HSPG2: variants seen among roughly 807,000 people sequenced by gnomAD.
HSPG2 encodes basement membrane-specific heparan sulfate proteoglycan core protein.
A neutral mutation model predicts 526.6 loss-of-function variants in HSPG2; 278 were observed. The ratio of observed to expected loss-of-function variants is 0.53; its 90% CI spans 0.48 to 0.58. HSPG2 has a LOEUF of 0.58. Ranked by LOEUF, HSPG2 falls within the 20% of genes least tolerant of loss-of-function variation. The probability of loss-of-function intolerance (pLI) is 0.00; values close to 1 mark genes in which losing one functional copy is unlikely to be tolerated. For synonymous variants in HSPG2, 2,465 were observed against 2,555.4 expected, an observed-to-expected ratio of 0.96 and a Z score of 1.07; for missense variants, 5,354 against 6,099.5, an observed-to-expected ratio of 0.88 and a Z score of 4.07.
chr1:21,841,786 T>C (rs2152705834), intron 69 of HSPG2, 113 bp from the exon 70 acceptor site: 1 of 1,420,716 alleles, frequency 7.0e-7, no homozygotes, highest in Non-Finnish European at 9.8e-7. Context: ...GGCCTGGGTG[T>C]GTCTAGCTCA....
At chr1:21,874,356 G>T (rs746310222) in intron 28 of HSPG2, 50 bp downstream of exon 28, 2 of 1,607,918 alleles carry the variant, frequency 1.2e-6, no homozygotes. Context: ...TGTGGGAGCG[G>T]GTGGTAGACA....
At chr1:21,873,851 C>G (rs754285715) in intron 29 of HSPG2, 74 bp downstream of exon 29, 2 of 1,311,946 alleles carry the variant, frequency 1.5e-6, no homozygotes, top group African/African-American at 2.9e-5. Flanking sequence ...GGGTTGGGAG[C>G]GCTGGGCCCT....
In HSPG2 at chr1:21,852,178, C is replaced by A; in HGVS notation, c.6780G>T (p.Gln2260His). 1 of 1,614,068 alleles carries A rather than the reference C, an allele frequency of 6.2e-7. No individual in the cohort carries two copies. Among genetic ancestry groups the A allele is most frequent in the Non-Finnish European group, 8.5e-7 (1 of 1,180,040 alleles). Reference protein sequence around the residue: ...ESSSSTVAEGQTLDLSCVVAG... With the variant: ...ESSSSTVAEGHTLDLSCVVAG... The stretch of plus-strand genomic sequence containing the variant: ...CCACCACGCAGCTCAGATCCAGGGT[C>A]TGGCCCTCGGCCACTGTGGAGGATG... The change falls in exon 53 of 97, where the codon CAG (glutamine) becomes CAT (histidine). Residue 2260 changes from glutamine (Q) to histidine (H), a missense_variant. Physicochemically the swap from Gln to His is conservative, Grantham distance 24. Transcript: ENST00000374695.
rs540803897 is a variant in HSPG2 at position 21,848,155 on chromosome 1, G to A, written c.7738-62C>T. On this transcript the variant is annotated intron_variant, in intron 59 of 96. Coordinates refer to ENST00000374695, the MANE Select transcript of HSPG2 (RefSeq NM_005529.7). The surrounding 1 kb of genome is among the most constrained non-coding windows in gnomAD (Gnocchi z 4.9). The stretch of plus-strand genomic sequence containing the variant: ...TGTGGGCAGCTCCTCCACATCTTGG[G>A]CACTGCTGCCGCTGCCCCTGGACTC... 18 of 1,534,296 alleles carry A rather than the reference G, an allele frequency of 1.2e-5. No homozygotes were observed. In the East Asian group the frequency reaches 4.2e-4, roughly 35 times the overall value.
Position 21,828,694 on chromosome 1 carries a change from C to G in HSPG2, c.12237+141G>C. 8.0e-7 allele frequency: 1 copy of G among 1,249,882 alleles called. No individual in the cohort carries two copies. The highest frequency in any genetic ancestry group is 1.1e-6 in the Non-Finnish European group (1 of 887,636). The allele number at this position is 1,249,882 out of a possible 1,614,324, so 77.4% of individuals were successfully genotyped here. A position where few individuals can be genotyped will look rare whatever the true frequency, so the allele number is the denominator to read the frequency against. On this transcript the variant is annotated intron_variant, in intron 88 of 96. Coordinates refer to ENST00000374695, the MANE Select transcript of HSPG2 (RefSeq NM_005529.7). The surrounding 1 kb of genome is among the most constrained non-coding windows in gnomAD (Gnocchi z 6.0). ...CATTTTACAGAGGAGGAAACTGAGG[C>G]TCAGAGGTACAGTGTCCTGGCCCAG...
chr1:21,936,494 G>A (rs1214851021), intron 1 of HSPG2, among the ~76,000 whole-genome samples: 3 of 152,206 alleles, frequency 2.0e-5, no homozygotes, highest in South Asian at 2.1e-4. Flanking sequence ...TTTTGAGGCC[G>A]TGCATTTTGA....
intron 37 of HSPG2, among the ~76,000 whole-genome samples, chr1:21,862,850 C>T (rs1639907109): frequency 1.1e-5 from 1 of 94,962 alleles, no homozygotes; most frequent in Non-Finnish European, 2.3e-5. Flanking sequence ...CACCTGAGAT[C>T]AGGAGTTAGA....
intron 1 of HSPG2, among the ~76,000 whole-genome samples, chr1:21,905,657 A>T (rs1194382886): frequency 6.6e-6 from 1 of 152,058 alleles, no homozygotes; most frequent in African/African-American, 2.4e-5. Context: ...CAGGAGAATC[A>T]CTTGAACCCA....
At position 21,830,987 on chromosome 1, in the gene HSPG2, T is replaced by G. The variant is rs1020996718; in HGVS notation, c.11666A>C (p.His3889Pro). The change falls in exon 85 of 97, where the codon CAT becomes CCT. Residue 3889 changes from histidine to proline, a missense_variant. Transcript: ENST00000374695. ...CTGGCGGTCGGGGTGCGTACCTGGA[T>G]GGCAGTGCAGGGCCTGCGAGTGCTC... is the stretch of plus-strand genomic sequence containing the variant. Reference protein sequence around the residue: ...RCEHSQALHCHPEACGPDATC... With the variant: ...RCEHSQALHCPPEACGPDATC... 2 of 1,579,224 alleles carry G rather than the reference T, an allele frequency of 1.3e-6. No homozygotes were observed. Among genetic ancestry groups the G allele is most frequent in the Non-Finnish European group, 1.7e-6 (2 of 1,161,734 alleles).
In HSPG2 at chr1:21,862,113, T is replaced by G. The variant is rs749521768; in HGVS notation, c.4743A>C (p.Gln1581His). The G allele has an allele frequency of 3.1e-6, 5 of 1,612,518 alleles. No individual in the cohort carries two copies. The highest frequency in any genetic ancestry group is 8.5e-7 in the Non-Finnish European group (1 of 1,180,014). Residue 1581 changes from glutamine (Q) to histidine (H), a missense_variant and splice_region_variant, in exon 38 of 97, where the codon CAA becomes CAC. Physicochemically the swap from Gln to His is conservative, Grantham distance 24 (BLOSUM62 0). Coordinates refer to ENST00000374695, the MANE Select transcript of HSPG2 (RefSeq NM_005529.7). ...ACTCCCCTGCGGCGTTGTGCTGGCATTGCTGCAGGGCACAAGGAGGGCAGG... is the reference window on the plus strand; with the variant it reads ...ACTCCCCTGCGGCGTTGTGCTGGCAGTGCTGCAGGGCACAAGGAGGGCAGG... ...LCHPETGACS[Q>H]CQHNAAGEFC...
Position 21,835,611 on chromosome 1 carries a change from T to G in HSPG2, c.10382A>C (p.Gln3461Pro). 1 of 1,613,966 alleles carries G rather than the reference T, an allele frequency of 6.2e-7. No homozygotes were observed. Among genetic ancestry groups the G allele is most frequent in the Non-Finnish European group, 8.5e-7 (1 of 1,179,832 alleles). Residue 3461 changes from glutamine to proline, a missense_variant, in exon 76 of 97, where the codon CAA (glutamine) becomes CCA (proline). By Grantham distance (76) the Gln-to-Pro change is moderately conservative. Coordinates refer to ENST00000374695, the MANE Select transcript of HSPG2 (RefSeq NM_005529.7). ...LRIQNLDQSC[Q>P]GTYICQAHGP... ...ATGGGCCTGGCATATATACGTCCCT[T>G]GGCAGCTCTGGTCCAAGTTCTGGAT...
intron 1 of HSPG2, among the ~76,000 whole-genome samples, chr1:21,936,763 T>C (rs1246354988): frequency 2.6e-5 from 4 of 152,184 alleles, no homozygotes; most frequent in African/African-American, 9.7e-5. Flanking sequence ...TGAGTGGCCG[T>C]TCTGCCAAGC....
intron 49 of HSPG2, 59 bp from the exon 50 acceptor site, chr1:21,854,402 C>T: frequency 1.3e-6 from 2 of 1,539,336 alleles, no homozygotes; most frequent in Admixed American, 2.0e-5. Context: ...TGTCACCACT[C>T]CCTCAGCCTC....
chr1:21,837,037 A>G (rs1445946520), intron 74 of HSPG2, 31 bp from the exon 75 acceptor site: 2 of 1,534,460 alleles, frequency 1.3e-6, no homozygotes, highest in African/African-American at 1.4e-5. Flanking sequence ...TTCTGCAGGT[A>G]TATGTGTGTG....
intron 42 of HSPG2, among the ~76,000 whole-genome samples, chr1:21,857,965 T>C (rs1446305327): frequency 2.0e-5 from 3 of 152,174 alleles, no homozygotes; most frequent in Non-Finnish European, 4.4e-5. Context: ...TCTTCTGCTC[T>C]CGCAACATCA....
rs1639561814 is a variant in HSPG2 at position 21,859,032 on chromosome 1, T to C, written c.5293+534A>G. Among the ~76,000 whole-genome samples the C allele has an allele frequency of 6.6e-6, 1 of 152,060 alleles. No homozygotes were observed. Among genetic ancestry groups the C allele is most frequent in the Admixed American group, 6.6e-5 (1 of 15,264 alleles). On this transcript the variant is annotated intron_variant, in intron 42 of 96. Coordinates refer to ENST00000374695, the MANE Select transcript of HSPG2 (RefSeq NM_005529.7). This position sits in a 1 kb window ranked among gnomAD's most constrained non-coding sequence, Gnocchi z 5.3. ...CTTTTCCCTGGACGACAGGGCAGGG[T>C]GACTCTGAGGTGCATTATTATTATT... is the stretch of plus-strand genomic sequence containing the variant.
chr1:21,882,845 A>G (rs146302779), intron 13 of HSPG2, among the ~76,000 whole-genome samples: 3 of 152,090 alleles, frequency 2.0e-5, no homozygotes, highest in Admixed American at 2.0e-4. Context: ...CTGTCTGCCA[A>G]TAGCTTCTCC....
intron 6 of HSPG2, 110 bp from the exon 7 acceptor site, chr1:21,888,176 T>G: frequency 1.4e-6 from 2 of 1,469,002 alleles, no homozygotes; most frequent in Non-Finnish European, 1.9e-6. Flanking sequence ...GTCAGGCAGC[T>G]CGGTTTCTGG....
intron 1 of HSPG2, among the ~76,000 whole-genome samples, chr1:21,936,226 C>T (rs995771864): frequency 6.6e-6 from 1 of 152,152 alleles, no homozygotes; most frequent in Admixed American, 6.5e-5. Context: ...CAGTCCTCCT[C>T]AAGTTCACTC....
Sources: gnomAD v4.1 joint callset for allele counts (sites outside exome capture counted in the v4.1 genomes callset) on GRCh38, gnomAD v4.1.1 for gene constraint, Gnocchi (gnomAD v3.1) non-coding constraint, MANE v1.5 for transcripts, NCBI Gene and HGNC (gene_info 2026-07-23, HGNC 2026-07-21) for gene names.